The following BLTP1 variants were observed in gnomAD, a reference collection of about 807,000 sequenced individuals.
The protein encoded by BLTP1 is bridge-like lipid transfer protein family member 1.
the BLTP1 span, among the ~76,000 whole-genome samples, chr4:122,295,843 A>AT: frequency 6.6e-6 from 1 of 152,234 alleles, no homozygotes; most frequent in South Asian, 2.1e-4. Flanking sequence ...CCACATGATT[A>AT]TCTCAATAGA....
the BLTP1 span, chr4:122,207,312 A>G: frequency 6.7e-7 from 1 of 1,495,270 alleles, no homozygotes; most frequent in Admixed American, 2.0e-5. Flanking sequence ...TCATTAAGGC[A>G]AATACCAACT....
the BLTP1 span, chr4:122,273,586 C>A: frequency 2.9e-6 from 1 of 345,708 alleles, no homozygotes; most frequent in Non-Finnish European, 4.1e-6. Flanking sequence ...CATTTTCATT[C>A]ACTTTTAAAT....
At chr4:122,326,448 G>T in the BLTP1 span, among the ~76,000 whole-genome samples, 1 of 151,566 alleles carries the variant, frequency 6.6e-6, no homozygotes, top group Admixed American at 6.6e-5. Context: ...AATATATTTT[G>T]TTTCCCTTTT....
At chr4:122,196,537 C>T in the BLTP1 span, 2 of 923,472 alleles carry the variant, frequency 2.2e-6, no homozygotes, top group Non-Finnish European at 3.3e-6. Context: ...AATGTGATAG[C>T]AATGATAATA....
At chr4:122,358,360 C>G in the BLTP1 span, among the ~76,000 whole-genome samples, 7,466 of 152,140 alleles carry the variant, frequency 0.049, 260 homozygotes, top group Non-Finnish European at 0.074. Context: ...ACAAAAAGAC[C>G]GTTTTAATAT....
At chr4:122,259,591 G>A in the BLTP1 span, among the ~76,000 whole-genome samples, 1 of 152,170 alleles carries the variant, frequency 6.6e-6, no homozygotes, top group African/African-American at 2.4e-5. Context: ...GCCAGGCGCG[G>A]TGGTTCATGC....
At chr4:122,239,347 CAT>C in the BLTP1 span, 1 of 240,418 alleles carries the variant, frequency 4.2e-6, no homozygotes, top group African/African-American at 2.3e-5. Context: ...GATGTGAACA[CAT>C]ATTGTACTGT....
the BLTP1 span, among the ~76,000 whole-genome samples, chr4:122,290,483 A>G: frequency 5.3e-4 from 81 of 152,048 alleles, 2 homozygotes; most frequent in Non-Finnish European, 2.6e-4. Context: ...CTTTCAAGAT[A>G]GTTTTATTAC....
the BLTP1 span, among the ~76,000 whole-genome samples, chr4:122,327,562 C>T: frequency 1.3e-4 from 19 of 151,640 alleles, no homozygotes; most frequent in East Asian, 3.7e-3. Context: ...TTTTATTACT[C>T]GGCTATTTGC....
At chr4:122,224,659 T>C in the BLTP1 span, 7 of 1,614,058 alleles carry the variant, frequency 4.3e-6, no homozygotes, top group African/African-American at 1.3e-5. Context: ...GTCTTACAGC[T>C]AAGGTCACAG....
chr4:122,333,661 A>T, the BLTP1 span: 1 of 1,609,392 alleles, frequency 6.2e-7, no homozygotes, highest in Non-Finnish European at 8.5e-7. Context: ...AGCTTAGATC[A>T]AGATTCACCT....
At chr4:122,252,151 C>T in the BLTP1 span, among the ~76,000 whole-genome samples, 3 of 152,130 alleles carry the variant, frequency 2.0e-5, no homozygotes, top group Admixed American at 6.5e-5. Flanking sequence ...AGCAGCAGTA[C>T]CCAGGTAGCA....
At chr4:122,286,879 T>A in the BLTP1 span, 2 of 1,031,052 alleles carry the variant, frequency 1.9e-6, no homozygotes, top group Non-Finnish European at 2.8e-6. Flanking sequence ...ACTTTTAAGG[T>A]AAAGTCTTAA....
At chr4:122,334,449 G>C in the BLTP1 span, 2 of 1,612,958 alleles carry the variant, frequency 1.2e-6, no homozygotes, top group Admixed American at 1.7e-5. Flanking sequence ...TGGTATGAAA[G>C]ATAGTGCAAC....
At chr4:122,344,283 C>A in the BLTP1 span, 1 of 1,253,076 alleles carries the variant, frequency 8.0e-7, no homozygotes, top group South Asian at 1.7e-5. Flanking sequence ...TAATTCATGG[C>A]ATATTACAGT....
chr4:122,328,583 A>G, the BLTP1 span: 2 of 879,904 alleles, frequency 2.3e-6, no homozygotes, highest in Non-Finnish European at 2.7e-6. Context: ...TTTTTTTTTC[A>G]TGTCACCTAA....
chr4:122,172,915 A>G, the BLTP1 span: 1 of 1,551,792 alleles, frequency 6.4e-7, no homozygotes, highest in African/African-American at 1.4e-5. Context: ...GAAGAAGAGG[A>G]AGAAAGCTGG....
the BLTP1 span, chr4:122,299,066 A>G: frequency 2.0e-6 from 2 of 982,780 alleles, no homozygotes; most frequent in Non-Finnish European, 2.4e-6. Flanking sequence ...CCACATATAT[A>G]TGGCCCTTCC....
chr4:122,247,599 C>T, the BLTP1 span: 1 of 1,188,162 alleles, frequency 8.4e-7, no homozygotes, highest in Non-Finnish European at 1.1e-6. Flanking sequence ...TTAGGAACTT[C>T]TATTTCCCAT....
Sources: allele counts gnomAD v4.1 joint callset (sites outside exome capture counted in the v4.1 genomes callset), GRCh38; gene constraint gnomAD v4.1.1; transcripts MANE v1.5; gene names NCBI Gene and HGNC (gene_info 2026-07-23, HGNC 2026-07-21).